ABTB3: variants seen among roughly 807,000 people sequenced by gnomAD.
ABTB3 encodes the protein ankyrin repeat- and BTB/POZ domain-containing protein 3.
the ABTB3 span, among the ~76,000 whole-genome samples, chr12:107,608,976 AAAAT>A: frequency 1.0e-5 from 1 of 96,726 alleles, no homozygotes; most frequent in Non-Finnish European, 2.0e-5. Context: ...AATATAAAAT[AAAAT>A]AAAATAAAAT....
the ABTB3 span, among the ~76,000 whole-genome samples, chr12:107,407,689 C>T: frequency 6.6e-6 from 1 of 152,288 alleles, no homozygotes; most frequent in Non-Finnish European, 1.5e-5. Context: ...ACTGCAAAGT[C>T]ATATGGCAAG....
At chr12:107,611,339 C>A in the ABTB3 span, among the ~76,000 whole-genome samples, 2 of 152,130 alleles carry the variant, frequency 1.3e-5, no homozygotes, top group African/African-American at 4.8e-5. Flanking sequence ...CACCACCACA[C>A]CCTGCTTATT....
chr12:107,598,726 A>T, the ABTB3 span, among the ~76,000 whole-genome samples: 1 of 152,216 alleles, frequency 6.6e-6, no homozygotes, highest in African/African-American at 2.4e-5. Context: ...AAACTCAGGG[A>T]ATGTCCATGC....
the ABTB3 span, among the ~76,000 whole-genome samples, chr12:107,586,135 T>G: frequency 1.3e-5 from 2 of 152,108 alleles, no homozygotes; most frequent in Non-Finnish European, 2.9e-5. Context: ...GGAGAGCTCC[T>G]CAGGACGTTG....
chr12:107,359,199 G>A, the ABTB3 span, among the ~76,000 whole-genome samples: 1 of 152,252 alleles, frequency 6.6e-6, no homozygotes, highest in Non-Finnish European at 1.5e-5. Context: ...AGGACAAAAG[G>A]TAGGAGGCAT....
the ABTB3 span, among the ~76,000 whole-genome samples, chr12:107,539,279 C>T: frequency 1.3e-5 from 2 of 152,170 alleles, no homozygotes; most frequent in African/African-American, 4.8e-5. Flanking sequence ...GATCCCACCC[C>T]AGGCCTCTAT....
the ABTB3 span, chr12:107,544,263 C>T: frequency 1.9e-6 from 2 of 1,056,482 alleles, no homozygotes; most frequent in African/African-American, 1.6e-5. Flanking sequence ...CCAGAGTGGT[C>T]CCGGTGGGAA....
the ABTB3 span, among the ~76,000 whole-genome samples, chr12:107,467,668 A>G: frequency 1.3e-5 from 2 of 152,246 alleles, no homozygotes; most frequent in Admixed American, 1.3e-4. Flanking sequence ...ATCAAGACCC[A>G]GCTATATCAT....
chr12:107,353,256 G>GA, the ABTB3 span, among the ~76,000 whole-genome samples: 1 of 152,034 alleles, frequency 6.6e-6, no homozygotes, highest in African/African-American at 2.4e-5. Context: ...GCCCAGCATG[G>GA]TGGGGGGGAG....
At chr12:107,568,217 C>G in the ABTB3 span, among the ~76,000 whole-genome samples, 1 of 152,214 alleles carries the variant, frequency 6.6e-6, no homozygotes, top group African/African-American at 2.4e-5. Flanking sequence ...CTTGCCAAGC[C>G]TTGTAACAGC....
the ABTB3 span, among the ~76,000 whole-genome samples, chr12:107,459,761 G>C: frequency 5.3e-5 from 8 of 152,232 alleles, no homozygotes; most frequent in African/African-American, 1.9e-4. Context: ...GTGAAGCCAG[G>C]GCTTGCCTGG....
the ABTB3 span, among the ~76,000 whole-genome samples, chr12:107,556,991 G>A: frequency 3.9e-5 from 6 of 151,962 alleles, no homozygotes; most frequent in African/African-American, 9.7e-5. Context: ...CAGTCTGTGC[G>A]ACAGAGTGAG....
At chr12:107,394,187 C>T in the ABTB3 span, among the ~76,000 whole-genome samples, 1 of 152,094 alleles carries the variant, frequency 6.6e-6, no homozygotes, top group Admixed American at 6.6e-5. Context: ...CGTGATTCTT[C>T]CAGTAGTTCT....
At chr12:107,437,139 G>A in the ABTB3 span, among the ~76,000 whole-genome samples, 2 of 152,250 alleles carry the variant, frequency 1.3e-5, no homozygotes, top group African/African-American at 2.4e-5. Flanking sequence ...TCCATTTCCC[G>A]TGGCTGTTGT....
chr12:107,614,674 A>C, the ABTB3 span, among the ~76,000 whole-genome samples: 1 of 152,244 alleles, frequency 6.6e-6, no homozygotes, highest in Non-Finnish European at 1.5e-5. Flanking sequence ...CTGAGAGGCG[A>C]TCAGAATCAT....
chr12:107,347,825 G>C, the ABTB3 span, among the ~76,000 whole-genome samples: 4 of 152,132 alleles, frequency 2.6e-5, no homozygotes, highest in African/African-American at 9.7e-5. Context: ...GGGATCAATT[G>C]TTTACTTCTT....
At chr12:107,481,165 A>G in the ABTB3 span, among the ~76,000 whole-genome samples, 2 of 152,296 alleles carry the variant, frequency 1.3e-5, no homozygotes, top group South Asian at 2.1e-4. Flanking sequence ...AAGGTGGAGA[A>G]ACCCTGCTTT....
the ABTB3 span, among the ~76,000 whole-genome samples, chr12:107,328,229 T>G: frequency 1.3e-5 from 2 of 152,104 alleles, no homozygotes; most frequent in Admixed American, 1.3e-4. Context: ...GAACAGAAGG[T>G]TTAATGAATT....
the ABTB3 span, among the ~76,000 whole-genome samples, chr12:107,508,439 T>TTTTTTTTTTGTTTTG: frequency 2.9e-5 from 1 of 34,894 alleles, no homozygotes; most frequent in Non-Finnish European, 4.7e-5. Context: ...AGATCATTTC[T>TTTTTTTTTTGTTTTG]TTTTTTTTTT....
Sources: allele counts gnomAD v4.1 joint callset (sites outside exome capture counted in the v4.1 genomes callset), GRCh38; gene constraint gnomAD v4.1.1; transcripts MANE v1.5; gene names NCBI Gene and HGNC (gene_info 2026-07-23, HGNC 2026-07-21).